The following STAM variants were observed in gnomAD, a reference collection of about 807,000 sequenced individuals.
The protein encoded by STAM is signal transducing adaptor molecule, also known as signal transducing adapter molecule 1.
In STAM, 16 loss-of-function variants were observed where a neutral mutation model predicts 63.4. The ratio of observed to expected loss-of-function variants is 0.25; its 90% CI spans 0.17 to 0.38. STAM has a LOEUF of 0.38. Among genes scored for constraint, STAM ranks in the 10% least tolerant of loss-of-function variants. STAM has a pLI of 1.00. For missense variants in STAM, 636 were observed against 657.1 expected, an observed-to-expected ratio of 0.97 and a Z score of 0.35; for synonymous variants, 238 against 223.9, an observed-to-expected ratio of 1.06 and a Z score of -0.56.
intron 10 of STAM, 136 bp from the exon 11 acceptor site, chr10:17,704,833 AG>A: frequency 1.4e-6 from 1 of 737,128 alleles, no homozygotes. Flanking sequence ...TGGGTTCTGT[AG>A]ACTAAGGTTA....
At chr10:17,666,040 GTTGA>G (rs1336820153) in intron 2 of STAM, among the ~76,000 whole-genome samples, 2 of 152,140 alleles carry the variant, frequency 1.3e-5, no homozygotes, top group East Asian at 1.9e-4. Flanking sequence ...CTATGTTAGT[GTTGA>G]TTGATTTGTT....
chr10:17,651,700 C>T (rs1486218686), intron 1 of STAM, among the ~76,000 whole-genome samples: 1 of 152,176 alleles, frequency 6.6e-6, no homozygotes, highest in Non-Finnish European at 1.5e-5. Flanking sequence ...TTTGCAGATA[C>T]AGTTTCCAGG....
At chr10:17,660,235 ATTTTATAC>A (rs1834109966) in intron 1 of STAM, among the ~76,000 whole-genome samples, 1 of 152,138 alleles carries the variant, frequency 6.6e-6, no homozygotes, top group Admixed American at 6.5e-5. Context: ...AATGCCTTTT[ATTTTATAC>A]TAAGTAAAGA....
intron 13 of STAM, 114 bp downstream of exon 13, chr10:17,709,065 C>A: frequency 1.6e-6 from 2 of 1,268,422 alleles, no homozygotes; most frequent in Non-Finnish European, 1.1e-6. Context: ...CAGCGTCATG[C>A]GGCCGCCCCA....
At chr10:17,706,956 A>T (rs1554829346) in intron 12 of STAM, among the ~76,000 whole-genome samples, 1 of 152,234 alleles carries the variant, frequency 6.6e-6, no homozygotes, top group Non-Finnish European at 1.5e-5. Flanking sequence ...ATATATTTCC[A>T]TAATTTAAAA....
chr10:17,684,922 A>T lies in STAM; in HGVS notation c.292A>T (p.Asn98Tyr). 6.2e-7 allele frequency: 1 copy of T among 1,612,036 alleles called. No individual in the cohort carries two copies. Among genetic ancestry groups the T allele is most frequent in the Non-Finnish European group, 8.5e-7 (1 of 1,178,448 alleles). Residue 98 changes from asparagine (N) to tyrosine (Y), a missense_variant, in exon 4 of 14, where the codon AAT becomes TAT. Asn to Tyr is a moderately radical substitution (Grantham distance 143). Around this residue, in one of 3 missense-constraint regions of STAM, gnomAD observed 532 missense variants for 536.9 expected, o/e 0.99. Transcript: ENST00000377524. ...DFASEVSNVL[N>Y]KGHPKVCEKL... Reference sequence around the variant, plus strand: ...TGCTAGTGAAGTAAGCAACGTATTAAATAAGGTAAGGAGCATTATTTCCAG... The same window carrying T: ...TGCTAGTGAAGTAAGCAACGTATTATATAAGGTAAGGAGCATTATTTCCAG...
chr10:17,707,138 G>A (rs868969775), intron 12 of STAM, among the ~76,000 whole-genome samples: 23 of 152,054 alleles, frequency 1.5e-4, no homozygotes, highest in Non-Finnish European at 2.4e-4. Flanking sequence ...GGCCGGGTGC[G>A]GTGGCTCATA....
chr10:17,695,205 T>G lies in STAM; in HGVS notation c.692T>G (p.Phe231Cys). 1.9e-6 allele frequency: 3 copies of G among 1,613,870 alleles called. No homozygotes were observed. The highest frequency in any genetic ancestry group is 2.5e-6 in the Non-Finnish European group (3 of 1,179,884). Residue 231 changes from phenylalanine (F) to cysteine (C), a missense_variant, in exon 7 of 14, where the codon TTT (phenylalanine) becomes TGT (cysteine). By Grantham distance (205) the Phe-to-Cys change is radical. This residue lies in a region of STAM where 532 missense variants were observed against 536.9 expected (regional missense o/e 0.99). Transcript: ENST00000377524. Reference protein sequence around the residue: ...FEAAEDNELTFKAGEIITVLD... With the variant: ...FEAAEDNELTCKAGEIITVLD... ...GCTGCTGAAGACAATGAACTTACTT[T>G]TAAAGCTGGAGAAATTATTACAGTT... is the stretch of plus-strand genomic sequence containing the variant.
At chr10:17,708,662 G>A in intron 12 of STAM, 114 bp from the exon 13 acceptor site, 1 of 1,081,754 alleles carries the variant, frequency 9.2e-7, no homozygotes, top group Non-Finnish European at 1.3e-6. Flanking sequence ...TTTGAAAAAA[G>A]GATTCCAGAG....
At chr10:17,713,723 T>C (rs1350756974) in intron 13 of STAM, among the ~76,000 whole-genome samples, 1 of 152,108 alleles carries the variant, frequency 6.6e-6, no homozygotes, top group Admixed American at 6.5e-5. Context: ...GCTCTTCTGC[T>C]GGTCGGCTCT....
intron 8 of STAM, 32 bp downstream of exon 8, chr10:17,696,901 G>A (rs1411624114): frequency 1.3e-6 from 2 of 1,534,396 alleles, no homozygotes; most frequent in Non-Finnish European, 1.8e-6. Context: ...AATAAATGAT[G>A]TTTTCTAATC....
chr10:17,675,445 A>G (rs985321051), intron 2 of STAM, among the ~76,000 whole-genome samples: 5 of 151,762 alleles, frequency 3.3e-5, no homozygotes, highest in African/African-American at 1.2e-4. Flanking sequence ...TGGAGGTTGC[A>G]GTGAACTGAG....
chr10:17,648,509 C>T (rs557693815), intron 1 of STAM, among the ~76,000 whole-genome samples: 2 of 152,216 alleles, frequency 1.3e-5, no homozygotes, highest in Non-Finnish European at 2.9e-5. Context: ...CTTGGTGCTG[C>T]TCACTCTTTG....
At chr10:17,689,684 G>T (rs552424146) in intron 5 of STAM, among the ~76,000 whole-genome samples, 1 of 152,246 alleles carries the variant, frequency 6.6e-6, no homozygotes, top group South Asian at 2.1e-4. Context: ...ACTCACTGCA[G>T]AGAACCCACC....
At chr10:17,669,904 G>GTT (rs1834563834) in intron 2 of STAM, among the ~76,000 whole-genome samples, 1 of 47,304 alleles carries the variant, frequency 2.1e-5, no homozygotes. Flanking sequence ...TTTTTTTTTT[G>GTT]TATTTTTAGT....
intron 13 of STAM, 24 bp downstream of exon 13, chr10:17,708,975 T>C (rs1836431625): frequency 5.6e-6 from 9 of 1,609,098 alleles, no homozygotes; most frequent in Admixed American, 1.7e-5. Context: ...TGATTCTTGT[T>C]TGGAGTTAGT....
At position 17,693,216 on chromosome 10, in the gene STAM, TG is replaced by T. The variant is rs782505074; in HGVS notation, c.445-5del. ...CCTCAAATACTGTGTTCCTCTTTTT[TG>T]TTAGGCTGCAGAACAAGCAAAAGCA... is the stretch of plus-strand genomic sequence containing the variant. On this transcript the variant is annotated splice_polypyrimidine_tract_variant and splice_region_variant and intron_variant, in intron 5 of 13. Coordinates refer to ENST00000377524, the MANE Select transcript of STAM (RefSeq NM_003473.4). 16 of 1,612,768 alleles carry T rather than the reference TG, an allele frequency of 9.9e-6. No homozygotes were observed. The highest frequency in any genetic ancestry group is 1.3e-5 in the African/African-American group (1 of 74,870).
At chr10:17,650,006 G>A (rs1265957669) in intron 1 of STAM, among the ~76,000 whole-genome samples, 1 of 152,206 alleles carries the variant, frequency 6.6e-6, no homozygotes, top group African/African-American at 2.4e-5. Flanking sequence ...ATCATCATAT[G>A]TCTTTGTTTC....
chr10:17,661,853 T>C (rs1304270573), intron 2 of STAM, among the ~76,000 whole-genome samples: 4 of 152,166 alleles, frequency 2.6e-5, no homozygotes, highest in African/African-American at 9.7e-5. Context: ...TTTTGGCCCA[T>C]AATGTCCTCC....
Sources: allele counts gnomAD v4.1 joint callset (sites outside exome capture counted in the v4.1 genomes callset), GRCh38; gene constraint gnomAD v4.1.1; regional missense constraint gnomAD v4.1.1; transcripts MANE v1.5; gene names NCBI Gene and HGNC (gene_info 2026-07-23, HGNC 2026-07-21).